Variants in UFL1 observed in about 807,000 individuals in gnomAD.
The protein encoded by UFL1 is UFM1 specific ligase 1, also known as E3 UFM1-protein ligase 1.
UFL1 carries 78 observed loss-of-function variants against 99.3 expected under a neutral mutation model. The observed-to-expected ratio is 0.79, with a 90% CI of 0.65 to 0.95. The LOEUF (loss-of-function observed/expected upper bound fraction) is 0.95. Ranked by LOEUF, UFL1 falls within the 40% of genes least tolerant of loss-of-function variation. The pLI is 0.00. For missense variants in UFL1, 936 were observed against 937.0 expected, an observed-to-expected ratio of 1.00 and a Z score of 0.01; for synonymous variants, 335 against 322.2, an observed-to-expected ratio of 1.04 and a Z score of -0.42.
At chr6:96,549,860 A>G (rs1436409221) in intron 15 of UFL1, 61 bp downstream of exon 15, 12 of 1,554,062 alleles carry the variant, frequency 7.7e-6, no homozygotes, top group Non-Finnish European at 1.0e-5. Flanking sequence ...TACACATTTT[A>G]TTTTATCTTA....
rs1275209674 is a variant in UFL1 at position 96,528,590 on chromosome 6, G to A, written c.554G>A (p.Arg185Gln). 5.0e-6 allele frequency: 8 copies of A among 1,613,668 alleles called. No homozygotes were observed. Among genetic ancestry groups the A allele is most frequent in the Admixed American group, 3.3e-5 (2 of 59,944 alleles). ...ATTTTTACGGAAGCTTTTGTAGCTC[G>A]ACATAAAGCACGTATCCGTGGACTA... ...GVIFTEAFVA[R>Q]HKARIRGLFS... The change falls in exon 6 of 19, where the codon CGA becomes CAA. Residue 185 changes from arginine to glutamine, a missense_variant. Coordinates refer to ENST00000369278, the MANE Select transcript of UFL1 (RefSeq NM_015323.5).
intron 6 of UFL1, among the ~76,000 whole-genome samples, chr6:96,532,861 A>G (rs1359431134): frequency 6.6e-6 from 1 of 152,186 alleles, no homozygotes; most frequent in African/African-American, 2.4e-5. Context: ...GTGCTTCCAC[A>G]TAATTTAGCT....
chr6:96,549,970 C>A (rs747018223), intron 15 of UFL1, among the ~76,000 whole-genome samples, 171 bp downstream of exon 15: 1 of 151,724 alleles, frequency 6.6e-6, no homozygotes, highest in African/African-American at 2.4e-5. Flanking sequence ...CAGTTGCTAG[C>A]AGGATTGGTA....
At chr6:96,524,111 CATAG>C (rs901321365) in intron 2 of UFL1, among the ~76,000 whole-genome samples, 3 of 151,240 alleles carry the variant, frequency 2.0e-5, no homozygotes, top group African/African-American at 7.3e-5. Flanking sequence ...GAATACCCTT[CATAG>C]ATAGAGCCAA....
chr6:96,542,828 G>A, intron 11 of UFL1, 66 bp from the exon 12 acceptor site: 1 of 1,408,672 alleles, frequency 7.1e-7, no homozygotes, highest in African/African-American at 1.5e-5. Flanking sequence ...CAACAATATA[G>A]TGTCATTATT....
At position 96,537,422 on chromosome 6, in the gene UFL1, TAAAG is replaced by T; in HGVS notation, c.855_858del (p.Lys286AspfsTer10). 1 of 1,602,620 alleles carries T rather than the reference TAAAG, an allele frequency of 6.2e-7. No homozygotes were observed. The highest frequency in any genetic ancestry group is 8.5e-7 in the Non-Finnish European group (1 of 1,175,536). On this transcript the variant is annotated frameshift_variant, in exon 9 of 19. Coordinates refer to ENST00000369278, the MANE Select transcript of UFL1 (RefSeq NM_015323.5). LOFTEE classifies it high-confidence loss of function. Reference sequence around the variant, plus strand: ...GGAATCCCAGATGCTGTAAGCTACATAAAGAAAAGATATAAGACTACACAACTCT... The same window carrying T: ...GGAATCCCAGATGCTGTAAGCTACATAAAAGATATAAGACTACACAACTCT...
chr6:96,535,075 A>C (rs917366992), intron 7 of UFL1, among the ~76,000 whole-genome samples: 1 of 151,996 alleles, frequency 6.6e-6, no homozygotes, highest in Non-Finnish European at 1.5e-5. Context: ...TCTTCAAATA[A>C]TAATTGGTAA....
chr6:96,531,363 C>G (rs1179431520), intron 6 of UFL1, among the ~76,000 whole-genome samples: 3 of 152,186 alleles, frequency 2.0e-5, no homozygotes, highest in Non-Finnish European at 4.4e-5. Context: ...TCATTTCATT[C>G]TAGTTTCCTT....
At chr6:96,532,613 C>T (rs977345565) in intron 6 of UFL1, among the ~76,000 whole-genome samples, 27 of 152,150 alleles carry the variant, frequency 1.8e-4, no homozygotes, top group African/African-American at 6.5e-4. Flanking sequence ...AGGATTATGG[C>T]TTCATTGGTT....
In UFL1 at chr6:96,526,344, A is replaced by T. The variant is rs1337437556; in HGVS notation, c.374A>T (p.Glu125Val). 1 of 1,613,252 alleles carries T rather than the reference A, an allele frequency of 6.2e-7. No homozygotes were observed. Among genetic ancestry groups the T allele is most frequent in the Non-Finnish European group, 8.5e-7 (1 of 1,179,712 alleles). The change falls in exon 5 of 19, where the codon GAA becomes GTA. Residue 125 changes from glutamate to valine, a missense_variant. By Grantham distance (121) the Glu-to-Val change is moderately radical. Transcript: ENST00000369278. Reference protein sequence around the residue: ...IDENYLDRLAEEVNDKLQESG... With the variant: ...IDENYLDRLAVEVNDKLQESG... Reference sequence around the variant, plus strand: ...AGGAATTATTTGGATCGGTTGGCAGAAGAGGTCAATGATAAATTGCAAGAA... The same window carrying T: ...AGGAATTATTTGGATCGGTTGGCAGTAGAGGTCAATGATAAATTGCAAGAA...
In UFL1 at chr6:96,551,831, T is replaced by C. The variant is rs1363467293; in HGVS notation, c.1900-7T>C. ...AAAGTAAATTATGGTATTCAATGCCTTTTCAGAGCATAGAAGACTTTATTT... is the reference window on the plus strand; with the variant it reads ...AAAGTAAATTATGGTATTCAATGCCCTTTCAGAGCATAGAAGACTTTATTT... On this transcript the variant is annotated splice_region_variant and splice_polypyrimidine_tract_variant and intron_variant, in intron 16 of 18. Transcript: ENST00000369278. 2 of 1,583,632 alleles carry C rather than the reference T, an allele frequency of 1.3e-6. No individual in the cohort carries two copies. The highest frequency in any genetic ancestry group is 1.7e-6 in the Non-Finnish European group (2 of 1,161,960).
In UFL1 at chr6:96,549,433, C is replaced by T. The variant is rs558369239; in HGVS notation, c.1542C>T (p.Leu514=). The part of the protein sequence containing the change: ...YLIKPLNKTY[L]EVVRSVFMSS... ...ACAGACCTCTTAATAAAACTTATCT[C>T]GAGGTGGTACGTTCAGTATTCATGT... Residue 514 remains leucine (L), a synonymous_variant, in exon 14 of 19, where the codon CTC becomes CTT. Transcript: ENST00000369278. The T allele has an allele frequency of 3.4e-5, 55 of 1,596,446 alleles. 1 individual carries two copies. In the South Asian group the frequency reaches 5.3e-4, roughly 15 times the overall value.
chr6:96,541,646 T>TG (rs1176083093), intron 11 of UFL1, among the ~76,000 whole-genome samples: 1 of 151,362 alleles, frequency 6.6e-6, no homozygotes, highest in African/African-American at 2.4e-5. Context: ...TTCATAGCTA[T>TG]GGATATTTTA....
intron 2 of UFL1, 140 bp from the exon 3 acceptor site, chr6:96,524,242 T>C: frequency 1.5e-6 from 1 of 674,426 alleles, no homozygotes; most frequent in Non-Finnish European, 2.5e-6. Context: ...CAGCTAATGG[T>C]GTGTATTTGA....
At position 96,553,330 on chromosome 6, in the gene UFL1, C is replaced by T. The variant is rs375662582; in HGVS notation, c.2212C>T (p.Gln738Ter). 5.0e-6 allele frequency: 8 copies of T among 1,613,756 alleles called. No homozygotes were observed. The highest frequency in any genetic ancestry group is 5.9e-6 in the Non-Finnish European group (7 of 1,179,794). The change falls in exon 19 of 19, where the codon CAG (glutamine) becomes TAG (stop). Residue 738 changes from glutamine to a stop codon, truncating the protein, a stop_gained. Transcript: ENST00000369278. LOFTEE classifies it high-confidence loss of function. ...AAAGTATCAAGGTTTGGTTGTAAAG[C>T]AGCTAGTCAGTCAAAGTAAGAAGAC... Reference protein sequence around the residue: ...LVKYQGLVVKQLVSQSKKTGQ... With the variant: ...LVKYQGLVVK
At chr6:96,538,865 C>A in intron 10 of UFL1, 55 bp downstream of exon 10, 1 of 1,430,690 alleles carries the variant, frequency 7.0e-7, no homozygotes, top group Non-Finnish European at 9.4e-7. Flanking sequence ...AATTTAGAAT[C>A]ATCTGATGTC....
intron 7 of UFL1, among the ~76,000 whole-genome samples, chr6:96,534,959 TC>T (rs1769833175): frequency 6.6e-6 from 1 of 152,002 alleles, no homozygotes; most frequent in Non-Finnish European, 1.5e-5. Context: ...CACTGTATTT[TC>T]AGAATATGAA....
At chr6:96,545,999 A>T (rs1444364417) in intron 12 of UFL1, among the ~76,000 whole-genome samples, 1 of 151,318 alleles carries the variant, frequency 6.6e-6, no homozygotes, top group Non-Finnish European at 1.5e-5. Context: ...TATTCAACGT[A>T]GTACTAGAAA....
rs763755847 is a variant in UFL1, at chr6:96,528,555, T to C, written c.519T>C (p.Asn173=). 5.6e-6 allele frequency: 9 copies of C among 1,613,888 alleles called. No individual in the cohort carries two copies. In the Admixed American group the frequency reaches 8.3e-5, roughly 15 times the overall value. Residue 173 remains asparagine (N), a synonymous_variant, in exon 6 of 19, where the codon AAT becomes AAC. Transcript: ENST00000369278. The stretch of plus-strand genomic sequence containing the variant: ...TCAGTGGACATATTGATCTTGATAA[T>C]AGAGGAGTAATTTTTACGGAAGCTT... ...RIISGHIDLD[N]RGVIFTEAFV...
Sources: gnomAD v4.1 joint callset for allele counts (sites outside exome capture counted in the v4.1 genomes callset) on GRCh38, gnomAD v4.1.1 for gene constraint, MANE v1.5 for transcripts, NCBI Gene and HGNC (gene_info 2026-07-23, HGNC 2026-07-21) for gene names.